Variants in ADGRL2 observed in about 807,000 individuals in gnomAD.
ADGRL2 encodes adhesion G protein-coupled receptor L2.
ADGRL2 carries 44 observed loss-of-function variants against 157.4 expected under a neutral mutation model. The observed-to-expected ratio is 0.28, with a 90% CI of 0.22 to 0.36. The LOEUF is 0.36. ADGRL2 is among the 10% of genes least tolerant of loss of function. The probability of loss-of-function intolerance (pLI) is 1.00; values close to 1 mark genes in which losing one functional copy is unlikely to be tolerated. For synonymous variants in ADGRL2, 585 were observed against 624.7 expected, an observed-to-expected ratio of 0.94 and a Z score of 0.95; for missense variants, 1,510 against 1,768.9, an observed-to-expected ratio of 0.85 and a Z score of 2.63.
At chr1:81,755,842 TA>T (rs1280920681) in intron 1 of ADGRL2, among the ~76,000 whole-genome samples, 4 of 152,084 alleles carry the variant, frequency 2.6e-5, no homozygotes, top group Non-Finnish European at 5.9e-5. Context: ...CAAACGACTC[TA>T]TCTAGCTTCA....
intron 3 of ADGRL2, among the ~76,000 whole-genome samples, chr1:81,680,675 G>T (rs1032281101): frequency 9.2e-5 from 14 of 151,872 alleles, no homozygotes; most frequent in African/African-American, 3.4e-4. Context: ...TTTGCCGCTC[G>T]AGATCCAATT....
chr1:81,322,087 C>CATAT (rs148181887), intron 1 of ADGRL2, among the ~76,000 whole-genome samples: 5,128 of 112,266 alleles, frequency 0.046, 310 homozygotes, highest in African/African-American at 0.11. Flanking sequence ...AGGACTAATT[C>CATAT]ATATATATAT....
rs1570748560 is a variant in ADGRL2, at chr1:81,655,332, C to T, written c.-143+74352C>T. 2.6e-5 allele frequency among the ~76,000 whole-genome samples: 4 copies of T among 152,204 alleles called. No homozygotes were observed. The South Asian group carries it at 8.3e-4, about 32-fold the overall frequency. On this transcript the variant is annotated intron_variant, in intron 3 of 24. Transcript: ENST00000370721. ...GTATTTTTAATATTACTACTAACAC[C>T]CCCATTTTCCAGAAAAAGACACTGA...
chr1:81,580,062 A>C (rs1320139329), intron 2 of ADGRL2, among the ~76,000 whole-genome samples: 3 of 152,206 alleles, frequency 2.0e-5, no homozygotes, highest in Non-Finnish European at 2.9e-5. Flanking sequence ...AGAGTTGTCA[A>C]TTCTACATAG....
chr1:81,800,544 C>G (rs1425584203), upstream of ADGRL2: 3 of 152,042 alleles, frequency 2.0e-5, no homozygotes, highest in Non-Finnish European at 4.4e-5. Flanking sequence ...GGCGCCTCTC[C>G]GAAGTCCAGG....
intron 3 of ADGRL2, among the ~76,000 whole-genome samples, chr1:81,615,587 C>T (rs2081627942): frequency 6.6e-6 from 1 of 152,176 alleles, no homozygotes; most frequent in African/African-American, 2.4e-5. Context: ...CTGTAACACT[C>T]ACCGCGAGGG....
chr1:81,808,329 C>T (rs547691626), intron 1 of ADGRL2, among the ~76,000 whole-genome samples: 4 of 152,054 alleles, frequency 2.6e-5, no homozygotes, highest in African/African-American at 9.6e-5. Flanking sequence ...TAGGAACTCG[C>T]CAGCAGTGTC....
chr1:81,337,993 A>G (rs1224731624), intron 1 of ADGRL2, among the ~76,000 whole-genome samples: 1 of 152,204 alleles, frequency 6.6e-6, no homozygotes, highest in East Asian at 1.9e-4. Flanking sequence ...TAAGTAGAAC[A>G]GTAATATATA....
intron 21 of ADGRL2, 26 bp from the exon 22 acceptor site, chr1:81,986,875 T>TTG: frequency 6.3e-7 from 1 of 1,588,892 alleles, no homozygotes. Context: ...TCTCTGTTTT[T>TTG]TTGTTGTTTT....
intron 3 of ADGRL2, among the ~76,000 whole-genome samples, chr1:81,665,487 A>G (rs1201910436): frequency 2.0e-5 from 3 of 152,126 alleles, no homozygotes; most frequent in African/African-American, 7.2e-5. Flanking sequence ...CTCCAATTTT[A>G]AATGTCATTT....
intron 1 of ADGRL2, among the ~76,000 whole-genome samples, chr1:81,424,737 T>G (rs1476853742): frequency 6.6e-6 from 1 of 152,200 alleles, no homozygotes; most frequent in Non-Finnish European, 1.5e-5. Context: ...TTTAAACCAC[T>G]TAATGTTTTT....
chr1:81,949,996 A>G lies in ADGRL2; in HGVS notation c.1211-193A>G, dbSNP rs145602794. ...CCTACTTTCTCTTAGCCATCAGTAT[A>G]AATAAATTGGAACAGATGAAAAGAT... is the stretch of plus-strand genomic sequence containing the variant. On this transcript the variant is annotated intron_variant, in intron 6 of 23. Transcript: ENST00000686636. Among the ~76,000 whole-genome samples, 397 of 152,306 alleles carry G rather than the reference A, an allele frequency of 2.6e-3. 5 individuals are homozygous for G. The highest frequency in any genetic ancestry group is 1.5e-3 in the South Asian group (7 of 4,826).
intron 2 of ADGRL2, among the ~76,000 whole-genome samples, chr1:81,447,718 T>G (rs1243139455): frequency 6.6e-6 from 1 of 152,226 alleles, no homozygotes; most frequent in Non-Finnish European, 1.5e-5. Context: ...GATTTTAACA[T>G]GCACAAATTC....
intron 2 of ADGRL2, among the ~76,000 whole-genome samples, chr1:81,789,103 C>T (rs1048047957): frequency 2.6e-5 from 4 of 152,118 alleles, no homozygotes; most frequent in Non-Finnish European, 2.9e-5. Flanking sequence ...AAGGACAGTG[C>T]GACCCAGTGT....
At chr1:81,954,081 G>T (rs900917129) in intron 10 of ADGRL2, among the ~76,000 whole-genome samples, 2 of 152,118 alleles carry the variant, frequency 1.3e-5, no homozygotes, top group African/African-American at 4.8e-5. Context: ...TAGGGGCAGA[G>T]AAATAACTGC....
rs1205860524 is a variant in ADGRL2, at chr1:81,723,814, TGTG to T, written c.-143+24010_-143+24012del. ...GCAGGTTTGCCCTTAAATCTCACCCTGTGGTGAAGGGATTTTTTTTTGTAATGC... is the reference window on the plus strand; with the variant it reads ...GCAGGTTTGCCCTTAAATCTCACCCTGTGAAGGGATTTTTTTTTGTAATGC... On this transcript the variant is annotated intron_variant, in intron 1 of 20. Coordinates refer to the ADGRL2 transcript ENST00000359929. 6.3e-3 allele frequency among the ~76,000 whole-genome samples: 950 copies of T among 151,574 alleles called. 8 individuals carry two copies. The highest frequency in any genetic ancestry group is 0.022 in the African/African-American group (902 of 41,436).
intron 2 of ADGRL2, among the ~76,000 whole-genome samples, chr1:81,842,353 CTTTTTTTTTTTT>C (rs71085377): frequency 3.6e-5 from 2 of 54,958 alleles, no homozygotes; most frequent in Non-Finnish European, 6.1e-5. Context: ...TCTTTTAGCG[CTTTTTTTTTTTT>C]TTTTTTTTTT....
chr1:81,800,130 G>A (rs550343792), upstream of ADGRL2, among the ~76,000 whole-genome samples: 1 of 152,246 alleles, frequency 6.6e-6, no homozygotes, highest in African/African-American at 2.4e-5. Context: ...ACAGCTCTGT[G>A]ACTATACTTG....
chr1:81,438,664 G>A (rs1442337927), intron 1 of ADGRL2, among the ~76,000 whole-genome samples: 1 of 152,122 alleles, frequency 6.6e-6, no homozygotes, highest in Non-Finnish European at 1.5e-5. Context: ...AGCCCTGGAC[G>A]GTAACATGGT....
Sources: allele counts gnomAD v4.1 joint callset (sites outside exome capture counted in the v4.1 genomes callset), GRCh38; gene constraint gnomAD v4.1.1; transcripts MANE v1.5; gene names NCBI Gene and HGNC (gene_info 2026-07-23, HGNC 2026-07-21).